The following CCDC178 variants were observed in gnomAD, a reference collection of about 807,000 sequenced individuals.
The protein encoded by CCDC178 is coiled-coil domain containing 178, also known as coiled-coil domain-containing protein 178.
Under a neutral mutation model 117.4 loss-of-function variants are expected in CCDC178, and 126 were observed. That is an observed-to-expected ratio of 1.07 (90% CI 0.93 to 1.24). The LOEUF is 1.24. Ranked by LOEUF, CCDC178 falls within the 50% of genes most tolerant of loss-of-function variation. CCDC178 has a pLI of 0.00. For synonymous variants in CCDC178, 283 were observed against 313.4 expected (o/e 0.90, Z 1.02); for missense variants, 1,030 against 986.9 (o/e 1.04, Z -0.59).
intron 20 of CCDC178, among the ~76,000 whole-genome samples, chr18:33,192,488 G>A (rs1479985926): frequency 6.6e-6 from 1 of 152,112 alleles, no homozygotes; most frequent in Non-Finnish European, 1.5e-5. Context: ...TTATATCAAA[G>A]CACTCTGATA....
intron 21 of CCDC178, among the ~76,000 whole-genome samples, chr18:33,002,050 T>C (rs1568210356): frequency 6.6e-6 from 1 of 152,082 alleles, no homozygotes; most frequent in Non-Finnish European, 1.5e-5. Flanking sequence ...GAGAGCTAAA[T>C]AAAGAGATAA....
intron 20 of CCDC178, among the ~76,000 whole-genome samples, chr18:33,128,462 CA>C: frequency 6.6e-6 from 1 of 152,094 alleles, no homozygotes; most frequent in Middle Eastern, 3.4e-3. Flanking sequence ...TTAAAGCATC[CA>C]ATTATTCTCT....
intron 22 of CCDC178, among the ~76,000 whole-genome samples, chr18:32,948,441 T>A (rs7245122): frequency 0.1 from 15,431 of 152,108 alleles, 2,617 homozygotes; most frequent in African/African-American, 0.35. Flanking sequence ...GATGCTATTG[T>A]ATAGGCATTG....
At chr18:32,952,229 C>T (rs1252701929) in intron 22 of CCDC178, among the ~76,000 whole-genome samples, 2 of 152,236 alleles carry the variant, frequency 1.3e-5, no homozygotes, top group African/African-American at 2.4e-5. Flanking sequence ...GAGTGTGCTG[C>T]AACTTCACAT....
At chr18:32,963,071 A>C (rs888525342) in intron 22 of CCDC178, among the ~76,000 whole-genome samples, 3 of 152,042 alleles carry the variant, frequency 2.0e-5, no homozygotes, top group Non-Finnish European at 4.4e-5. Context: ...TAAAAAACAC[A>C]CAGGGAATTG....
At chr18:32,980,488 G>C (rs1015887564) in intron 21 of CCDC178, among the ~76,000 whole-genome samples, 1 of 150,002 alleles carries the variant, frequency 6.7e-6, no homozygotes, top group Non-Finnish European at 1.5e-5. Context: ...GGAGAATGGC[G>C]TGAACCCGGA....
At chr18:33,345,662 A>G (rs1477849301) in intron 9 of CCDC178, among the ~76,000 whole-genome samples, 2 of 152,204 alleles carry the variant, frequency 1.3e-5, no homozygotes, top group Admixed American at 1.3e-4. Flanking sequence ...TATAGGATAT[A>G]TGCCAAATGT....
At chr18:33,015,582 C>G (rs112011937) in intron 21 of CCDC178, among the ~76,000 whole-genome samples, 1 of 140,356 alleles carries the variant, frequency 7.1e-6, no homozygotes, top group East Asian at 2.0e-4. Context: ...ACAACAACAA[C>G]AAACAACAAC....
intron 14 of CCDC178, among the ~76,000 whole-genome samples, chr18:33,256,840 T>C (rs2059686323): frequency 6.6e-6 from 1 of 152,112 alleles, no homozygotes; most frequent in African/African-American, 2.4e-5. Flanking sequence ...AATCCAGTTT[T>C]AATTTTTACA....
intron 11 of CCDC178, among the ~76,000 whole-genome samples, chr18:33,294,918 C>T (rs938117809): frequency 3.3e-5 from 5 of 152,116 alleles, no homozygotes; most frequent in African/African-American, 1.2e-4. Flanking sequence ...CCACTAATTC[C>T]TCAGCCTTTT....
At chr18:33,046,983 T>C (rs1482510509) in intron 21 of CCDC178, among the ~76,000 whole-genome samples, 2 of 152,242 alleles carry the variant, frequency 1.3e-5, no homozygotes, top group Non-Finnish European at 2.9e-5. Context: ...TTGACATTTA[T>C]TATGTATGGT....
chr18:32,952,536 CA>C (rs1405879293), intron 22 of CCDC178, among the ~76,000 whole-genome samples: 1 of 152,172 alleles, frequency 6.6e-6, no homozygotes, highest in Non-Finnish European at 1.5e-5. Context: ...CCACATAGAA[CA>C]GGGGGGCCCT....
At chr18:33,086,668 TAGTACAC>T (rs1186371011) in intron 21 of CCDC178, among the ~76,000 whole-genome samples, 1 of 152,034 alleles carries the variant, frequency 6.6e-6, no homozygotes, top group African/African-American at 2.4e-5. Flanking sequence ...GAAGGGGATA[TAGTACAC>T]AGTGTGTCAT....
intron 11 of CCDC178, among the ~76,000 whole-genome samples, chr18:33,301,848 A>G (rs953466998): frequency 3.9e-5 from 6 of 152,218 alleles, no homozygotes; most frequent in African/African-American, 1.2e-4. Flanking sequence ...GATGAGACTT[A>G]GGACTTTGGA....
intron 20 of CCDC178, among the ~76,000 whole-genome samples, chr18:33,143,326 T>C (rs1381083883): frequency 1.3e-5 from 2 of 152,130 alleles, no homozygotes; most frequent in African/African-American, 4.8e-5. Context: ...CATAGAAGCA[T>C]CACAAAACCT....
At chr18:33,424,818 C>T (rs139768219) in intron 2 of CCDC178, among the ~76,000 whole-genome samples, 3,058 of 152,268 alleles carry the variant, frequency 0.02, 55 homozygotes, top group Non-Finnish European at 0.027. Context: ...AAGACAGCTG[C>T]TGATGAGAGA....
chr18:33,191,612 G>A (rs2058858951), intron 20 of CCDC178, among the ~76,000 whole-genome samples: 2 of 152,074 alleles, frequency 1.3e-5, no homozygotes, highest in Admixed American at 1.3e-4. Flanking sequence ...CTTGGCGATT[G>A]GAGTTTTCAC....
intron 12 of CCDC178, among the ~76,000 whole-genome samples, chr18:33,284,355 C>G (rs894748791): frequency 6.6e-6 from 1 of 152,038 alleles, no homozygotes; most frequent in African/African-American, 2.4e-5. Flanking sequence ...CATAAGGTTA[C>G]CTATGTAACA....
chr18:33,276,407 T>G (rs946752841), intron 12 of CCDC178, among the ~76,000 whole-genome samples: 20 of 151,982 alleles, frequency 1.3e-4, no homozygotes, highest in Admixed American at 4.6e-4. Flanking sequence ...GATTCAGAGT[T>G]GGCAGTTGGA....
Sources: allele counts gnomAD v4.1 joint callset (sites outside exome capture counted in the v4.1 genomes callset), GRCh38; gene constraint gnomAD v4.1.1; transcripts MANE v1.5; gene names NCBI Gene and HGNC (gene_info 2026-07-23, HGNC 2026-07-21).